Variants in VEGFA observed in about 807,000 individuals in gnomAD.
VEGFA encodes the protein vascular endothelial growth factor A, long form.
Under a neutral mutation model 49.7 loss-of-function variants are expected in VEGFA, and 20 were observed. The observed-to-expected ratio is 0.40, with a 90% CI of 0.28 to 0.58. The LOEUF is 0.58. Among genes scored for constraint, VEGFA ranks in the 20% least tolerant of loss-of-function variants. The probability of loss-of-function intolerance (pLI) is 0.40; values close to 1 mark genes in which losing one functional copy is unlikely to be tolerated. For missense variants in VEGFA, 505 were observed against 553.5 expected (o/e 0.91, Z 0.88); for synonymous variants, 219 against 223.4 (o/e 0.98, Z 0.18).
In VEGFA at chr6:43,777,228, T is replaced by C. The variant is rs1049859167; in HGVS notation, c.659-241T>C. On this transcript the variant is annotated intron_variant, in intron 2 of 7. Transcript: ENST00000672860. The surrounding 1 kb of genome is among the most constrained non-coding windows in gnomAD (Gnocchi z 4.3). ...TGGCGGGATCAGATGTGGCAGGCCA[T>C]GTCCCTTGGAACTTGAGTACATCGT... 3.4e-5 allele frequency: 20 copies of C among 588,692 alleles called. No homozygotes were observed. Among genetic ancestry groups the C allele is most frequent in the Non-Finnish European group, 5.9e-5 (19 of 320,262 alleles). 36.5% of individuals were successfully genotyped at this position (588,692 alleles called of 1,614,324 possible). A position where few individuals can be genotyped will look rare whatever the true frequency, so the allele number is the denominator to read the frequency against.
At chr6:43,778,638 C>T (rs187485394) in intron 4 of VEGFA, 102 bp downstream of exon 4, 19 of 1,277,140 alleles carry the variant, frequency 1.5e-5, no homozygotes, top group East Asian at 1.2e-4. Context: ...GTCCAGCTTC[C>T]CGCTATGTGA....
Position 43,779,392 on chromosome 6 carries a change from G to A in VEGFA, c.962+474G>A, listed in dbSNP as rs768593466. On this transcript the variant is annotated intron_variant, in intron 5 of 7. Transcript: ENST00000672860. ...TCTCAGTGCATGCCCTCCTGTAGGC[G>A]GCAGGCGGCAGACACACAGCCCTCT... 84 of 336,474 alleles carry A rather than the reference G, an allele frequency of 2.5e-4. 1 individual carries two copies. Among genetic ancestry groups the A allele is most frequent in the Non-Finnish European group, 4.2e-4 (73 of 174,708 alleles). The allele number at this position is 336,474 out of a possible 1,614,324, so 20.8% of individuals were successfully genotyped here. A position where few individuals can be genotyped will look rare whatever the true frequency, so the allele number is the denominator to read the frequency against.
Position 43,778,190 on chromosome 6 carries a change from AC to A in VEGFA, c.856-268del, listed in dbSNP as rs1182611793. 8.9e-6 allele frequency: 5 copies of A among 562,056 alleles called. No individual in the cohort carries two copies. The African/African-American group carries it at 9.4e-5, about 11-fold the overall frequency. The allele number at this position is 562,056 out of a possible 1,614,324, so 34.8% of individuals were successfully genotyped here. ...GGGGAGGGGATGGGGAGTGGTAAGA[AC>A]CTAGGATTTGAATTCCCAGCCTGGC... On this transcript the variant is annotated intron_variant, in intron 3 of 7. Transcript: ENST00000672860.
rs771561387 is a variant in VEGFA, at chr6:43,784,557, C to T, written c.1183C>T (p.Arg395Trp). Residue 395 changes from arginine (R) to tryptophan (W), a missense_variant, in exon 8 of 8, where the codon CGG becomes TGG. This residue lies in a region of VEGFA where 165 missense variants were observed against 231.7 expected (regional missense o/e 0.71). Transcript: ENST00000672860. ...TTCCCTCAGATGTGACAAGCCGAGG[C>T]GGTGAGCCGGGCAGGAGGAAGGAGC... 12 of 1,614,202 alleles carry T rather than the reference C, an allele frequency of 7.4e-6. No homozygotes were observed. The highest frequency in any genetic ancestry group is 1.1e-5 in the South Asian group (1 of 91,084).
At chr6:43,776,917 A>T (rs1049523377) in intron 2 of VEGFA, 1 of 195,408 alleles carries the variant, frequency 5.1e-6, no homozygotes, top group Non-Finnish European at 1.1e-5. Context: ...TGGAATCTCA[A>T]TAGTGTCTAA....
intron 6 of VEGFA, 155 bp from the exon 7 acceptor site, chr6:43,781,801 T>G: frequency 3.1e-6 from 3 of 968,818 alleles, no homozygotes; most frequent in Non-Finnish European, 4.7e-6. Flanking sequence ...CTCTCTGTCT[T>G]TTGCTGTAGC....
In VEGFA at chr6:43,773,006, AG is replaced by A. The variant is rs1764122416; in HGVS notation, c.607-1332del. ...CCTCCTTGGGGCCCAGGAGGAGTGGAGGGTCCCGGGAGAATATTGTCAGGGG... is the reference window on the plus strand; with the variant it reads ...CCTCCTTGGGGCCCAGGAGGAGTGGAGGTCCCGGGAGAATATTGTCAGGGG... On this transcript the variant is annotated intron_variant, in intron 1 of 7. Transcript: ENST00000672860. The surrounding 1 kb of genome is among the most constrained non-coding windows in gnomAD (Gnocchi z 5.6). 6.6e-6 allele frequency among the ~76,000 whole-genome samples: 1 copy of A among 151,682 alleles called. No homozygotes were observed. Among genetic ancestry groups the A allele is most frequent in the South Asian group, 2.1e-4 (1 of 4,794 alleles).
Position 43,784,682 on chromosome 6 carries a change from ACAGAACAGTCCTTAATC to A in VEGFA, c.*126_*142del. The A allele has an allele frequency of 6.4e-7, 1 of 1,551,954 alleles. No homozygotes were observed. The highest frequency in any genetic ancestry group is 2.2e-5 in the East Asian group (1 of 44,584). On this transcript the variant is annotated 3_prime_UTR_variant, in exon 8 of 8. Coordinates refer to ENST00000672860, the MANE Select transcript of VEGFA (RefSeq NM_003376.6). ...TGCCGCCACCACACCATCACCATCGACAGAACAGTCCTTAATCCAGAAACCTGAAATGAAGGAAGAGG... is the reference window on the plus strand; with the variant it reads ...TGCCGCCACCACACCATCACCATCGACAGAAACCTGAAATGAAGGAAGAGG...
intron 7 of VEGFA, chr6:43,782,412 G>T (rs1232876002): frequency 1.5e-5 from 6 of 390,508 alleles, no homozygotes; most frequent in African/African-American, 1.2e-4. Flanking sequence ...CATAGTGGCT[G>T]TTGGTCCTGA....
rs2128063760 is a variant in VEGFA, at chr6:43,784,787, G to A, written c.*225G>A. The A allele has an allele frequency of 2.6e-6, 2 of 765,290 alleles. No homozygotes were observed. Among genetic ancestry groups the A allele is most frequent in the East Asian group, 2.7e-5 (1 of 37,274 alleles). The allele number at this position is 765,290 out of a possible 1,614,324, so 47.4% of individuals were successfully genotyped here. A position where few individuals can be genotyped will look rare whatever the true frequency, so the allele number is the denominator to read the frequency against. ...ACTCCGGCGGAAGCATTCCCGGGCG[G>A]GTGACCCAGCACGGTCCCTCTTGGA... On this transcript the variant is annotated 3_prime_UTR_variant, in exon 8 of 8. Transcript: ENST00000672860.
At chr6:43,778,702 C>T (rs964761690) in intron 4 of VEGFA, 166 bp downstream of exon 4, 13 of 976,294 alleles carry the variant, frequency 1.3e-5, no homozygotes, top group Admixed American at 6.0e-5. Context: ...AAAATGGGCA[C>T]AATAGTAGTA....
At chr6:43,775,438 G>A (rs542709424) in intron 2 of VEGFA, 1 of 152,378 alleles carries the variant, frequency 6.6e-6, no homozygotes, top group African/African-American at 2.4e-5. Context: ...GCCCTCCTTG[G>A]AGGGGCGGCT....
At position 43,786,237 on chromosome 6, in the gene VEGFA, AAT is replaced by A. The variant is rs1769432978; in HGVS notation, c.*1677_*1678del. On this transcript the variant is annotated 3_prime_UTR_variant, in exon 8 of 8. Coordinates refer to ENST00000672860, the MANE Select transcript of VEGFA (RefSeq NM_003376.6). ...TATATGTAAAAACAAAACAAGAAAA[AAT>A]AGAGAATTCTACATACTAAATCTCT... The A allele has an allele frequency of 5.6e-6, 1 of 178,572 alleles. No individual in the cohort carries two copies. Among genetic ancestry groups the A allele is most frequent in the African/African-American group, 2.4e-5 (1 of 42,268 alleles). The allele number at this position is 178,572 out of a possible 1,614,324, so 11.1% of individuals were successfully genotyped here.
At chr6:43,781,758 G>T in intron 6 of VEGFA, 198 bp from the exon 7 acceptor site, 1 of 631,284 alleles carries the variant, frequency 1.6e-6, no homozygotes, top group Non-Finnish European at 2.7e-6. Flanking sequence ...CCTGCGGCAG[G>T]TGTCCTAGCC....
chr6:43,770,319 G>A lies in VEGFA; in HGVS notation c.-388G>A. On this transcript the variant is annotated 5_prime_UTR_variant, in exon 1 of 8. Coordinates refer to ENST00000672860, the MANE Select transcript of VEGFA (RefSeq NM_003376.6). ...AGGTGGACCGGTCAGCGGACTCACC[G>A]GCCAGGGCGCTCGGTGCTGGAATTT... 1 of 273,822 alleles carries A rather than the reference G, an allele frequency of 3.7e-6. No individual in the cohort carries two copies. 17.0% of individuals were successfully genotyped at this position (273,822 alleles called of 1,614,324 possible).
intron 5 of VEGFA, chr6:43,780,415 G>C (rs1767101203): frequency 2.4e-6 from 1 of 420,584 alleles, no homozygotes; most frequent in Admixed American, 3.5e-5. Context: ...GAGCCACTGT[G>C]AGTGTGGAGA....
intron 4 of VEGFA, 128 bp downstream of exon 4, chr6:43,778,664 T>C: frequency 9.0e-7 from 1 of 1,105,018 alleles, no homozygotes; most frequent in Non-Finnish European, 1.4e-6. Context: ...GGCATTTTAC[T>C]TCAATGTGCC....
rs1245747754 is a variant in VEGFA, at chr6:43,771,034, C to G, written c.328C>G (p.Arg110Gly). 5.2e-6 allele frequency: 8 copies of G among 1,524,130 alleles called. No individual in the cohort carries two copies. The highest frequency in any genetic ancestry group is 7.0e-6 in the Non-Finnish European group (8 of 1,135,656). 94.4% of individuals were successfully genotyped at this position (1,524,130 alleles called of 1,614,324 possible). ...GGAAGAGGAGAGGGGGCCGCAGTGG[C>G]GACTCGGCGCTCGGAAGCCGGGCTC... The change falls in exon 1 of 8, where the codon CGA (arginine) becomes GGA (glycine). Residue 110 changes from arginine to glycine, a missense_variant. Arg to Gly is a moderately radical substitution (Grantham distance 125). Around this residue, in one of 2 missense-constraint regions of VEGFA, gnomAD observed 340 missense variants for 321.8 expected, o/e 1.06. Coordinates refer to ENST00000672860, the MANE Select transcript of VEGFA (RefSeq NM_003376.6).
rs1203752241 is a variant in VEGFA at position 43,771,166 on chromosome 6, G to A, written c.460G>A (p.Ala154Thr). 2 of 1,567,856 alleles carry A rather than the reference G, an allele frequency of 1.3e-6. No homozygotes were observed. Among genetic ancestry groups the A allele is most frequent in the Non-Finnish European group, 8.6e-7 (1 of 1,161,178 alleles). The change falls in exon 1 of 8, where the codon GCC becomes ACC. Residue 154 changes from alanine to threonine, a missense_variant. Ala to Thr is a moderately conservative substitution (Grantham distance 58, BLOSUM62 0). Transcript: ENST00000672860. ...GGGAGGAAGAGTAGCTCGCCGAGGC[G>A]CCGAGGAGAGCGGGCCGCCCCACAG... is the stretch of plus-strand genomic sequence containing the variant.
Sources: gnomAD v4.1 joint callset for allele counts (sites outside exome capture counted in the v4.1 genomes callset) on GRCh38, gnomAD v4.1.1 for gene constraint, gnomAD v4.1.1 regional missense constraint, Gnocchi (gnomAD v3.1) non-coding constraint, MANE v1.5 for transcripts, NCBI Gene and HGNC (gene_info 2026-07-23, HGNC 2026-07-21) for gene names.